The following OR3A2 variants were observed in gnomAD, a reference collection of about 807,000 sequenced individuals.
OR3A2 encodes the protein olfactory receptor 3A2.
For synonymous variants in OR3A2, 126 were observed against 159.3 expected (o/e 0.79, Z 1.57); for missense variants, 318 against 392.8 (o/e 0.81, Z 1.61).
chr17:3,338,812 T>G (rs1160457503), intron 2 of OR3A2, among the ~76,000 whole-genome samples: 2 of 152,178 alleles, frequency 1.3e-5, no homozygotes, highest in African/African-American at 4.8e-5. Context: ...GTGAAGAAAG[T>G]CATTGGTAGC....
intron 2 of OR3A2, among the ~76,000 whole-genome samples, chr17:3,344,362 C>T (rs1026713560): frequency 1.3e-5 from 2 of 152,090 alleles, no homozygotes; most frequent in African/African-American, 4.8e-5. Flanking sequence ...TAAATATTCA[C>T]CCTGCATCTG....
chr17:3,331,104 C>A (rs1371998036), intron 3 of OR3A2, among the ~76,000 whole-genome samples: 8 of 152,160 alleles, frequency 5.3e-5, no homozygotes, highest in Non-Finnish European at 1.2e-4. Context: ...ATGGGCTTCC[C>A]TTTGAGGGTA....
chr17:3,363,983 A>G (rs2200195), intron 2 of OR3A2, among the ~76,000 whole-genome samples: 20,922 of 152,190 alleles, frequency 0.14, 1,773 homozygotes, highest in African/African-American at 0.24. Flanking sequence ...CCATGATCCA[A>G]TCACCTCCCA....
chr17:3,292,403 G>C, intron 3 of OR3A2: 1 of 1,614,044 alleles, frequency 6.2e-7, no homozygotes, highest in East Asian at 2.2e-5. Context: ...AGTACATGGG[G>C]GTGTGGAGTT....
In OR3A2 at chr17:3,357,326, T is replaced by C. The variant is rs145601860; in HGVS notation, c.-178-21200A>G. 9.9e-4 allele frequency among the ~76,000 whole-genome samples: 150 copies of C among 151,776 alleles called. 3 individuals are homozygous for C. The highest frequency in any genetic ancestry group is 1.6e-3 in the Non-Finnish European group (110 of 67,996). On this transcript the variant is annotated intron_variant, in intron 2 of 4. Transcript: ENST00000573491. ...CGTCTGGGGCTCTATCACCTAATCC[T>C]TGGTGCAAGAATCAGAGACTTTCAG...
chr17:3,361,010 G>C (rs1371328044), intron 2 of OR3A2, among the ~76,000 whole-genome samples: 1 of 151,454 alleles, frequency 6.6e-6, no homozygotes, highest in Non-Finnish European at 1.5e-5. Context: ...ACCTTGGGCA[G>C]TATGGCCATT....
intron 2 of OR3A2, among the ~76,000 whole-genome samples, chr17:3,379,737 A>G (rs1338977825): frequency 6.6e-6 from 1 of 152,164 alleles, no homozygotes; most frequent in Non-Finnish European, 1.5e-5. Context: ...GGGAAAAACC[A>G]GGGAGAAGAG....
chr17:3,324,210 A>C (rs938362328), intron 3 of OR3A2, among the ~76,000 whole-genome samples: 1 of 151,952 alleles, frequency 6.6e-6, no homozygotes, highest in Non-Finnish European at 1.5e-5. Flanking sequence ...CAGCTCCATC[A>C]GGTCTTTTAA....
chr17:3,360,189 T>C (rs1373281685), intron 2 of OR3A2, among the ~76,000 whole-genome samples: 1 of 151,874 alleles, frequency 6.6e-6, no homozygotes, highest in African/African-American at 2.4e-5. Context: ...GAACATTTTT[T>C]CATGTGTCTG....
rs79611184 is a variant in OR3A2 at position 3,380,539 on chromosome 17, C to T, written c.-179+3265G>A. Among the ~76,000 whole-genome samples, 55 of 152,292 alleles carry T rather than the reference C, an allele frequency of 3.6e-4. No homozygotes were observed. The South Asian group carries it at 0.011, about 32-fold the overall frequency. On this transcript the variant is annotated intron_variant, in intron 2 of 4. Coordinates refer to the OR3A2 transcript ENST00000573491. Reference sequence around the variant, plus strand: ...CTTACTCATCTCCGAATGCCTCCCCCACCAGTGCTCAAGTACCTGCCTGGC... The same window carrying T: ...CTTACTCATCTCCGAATGCCTCCCCTACCAGTGCTCAAGTACCTGCCTGGC...
intron 2 of OR3A2, among the ~76,000 whole-genome samples, chr17:3,371,819 GGGGGCT>G (rs2049627729): frequency 2.2e-5 from 3 of 134,368 alleles, no homozygotes; most frequent in Non-Finnish European, 4.8e-5. Flanking sequence ...TGGCCGGGCG[GGGGGCT>G]GACCTCCCCA....
At chr17:3,293,630 A>T (rs769311880) in intron 3 of OR3A2, among the ~76,000 whole-genome samples, 2 of 152,222 alleles carry the variant, frequency 1.3e-5, no homozygotes, top group Non-Finnish European at 2.9e-5. Flanking sequence ...CAAATGGATG[A>T]CAAAATTCAC....
chr17:3,376,899 G>A (rs559312452), intron 2 of OR3A2, among the ~76,000 whole-genome samples: 2 of 152,172 alleles, frequency 1.3e-5, no homozygotes, highest in Non-Finnish European at 2.9e-5. Flanking sequence ...GTGCCTACAG[G>A]GCTCTTTCTA....
intron 3 of OR3A2, among the ~76,000 whole-genome samples, chr17:3,304,160 G>A (rs1286487131): frequency 6.6e-6 from 1 of 152,050 alleles, no homozygotes; most frequent in East Asian, 1.9e-4. Flanking sequence ...GTGAGCACAT[G>A]AACCATTCTT....
At chr17:3,370,190 T>C (rs180771200) in intron 2 of OR3A2, among the ~76,000 whole-genome samples, 3 of 152,318 alleles carry the variant, frequency 2.0e-5, no homozygotes, top group East Asian at 3.9e-4. Flanking sequence ...TTTAAATTAC[T>C]GTTTCAATCT....
At chr17:3,285,329 A>G (rs1047472304), upstream of OR3A2, among the ~76,000 whole-genome samples, 5 of 152,186 alleles carry the variant, frequency 3.3e-5, no homozygotes, top group African/African-American at 4.8e-5. Flanking sequence ...TCTTCTGATT[A>G]TTAGTGGTTT....
chr17:3,337,724 A>G (rs540093850), intron 2 of OR3A2, among the ~76,000 whole-genome samples: 1 of 152,170 alleles, frequency 6.6e-6, no homozygotes, highest in African/African-American at 2.4e-5. Flanking sequence ...GAATAGTGCC[A>G]CAATAAACAT....
upstream of OR3A2, chr17:3,284,499 A>T (rs1480658920): frequency 6.6e-6 from 1 of 150,634 alleles, no homozygotes; most frequent in Non-Finnish European, 1.5e-5. Context: ...TTCTCTGTAC[A>T]GGGCTGTGTT....
At chr17:3,318,543 C>A (rs1193618664) in intron 3 of OR3A2, among the ~76,000 whole-genome samples, 1 of 152,196 alleles carries the variant, frequency 6.6e-6, no homozygotes, top group Non-Finnish European at 1.5e-5. Context: ...CTTCACACCC[C>A]AGAACTTCCT....
Sources: gnomAD v4.1 joint callset for allele counts (sites outside exome capture counted in the v4.1 genomes callset) on GRCh38, gnomAD v4.1.1 for gene constraint, MANE v1.5 for transcripts, NCBI Gene and HGNC (gene_info 2026-07-23, HGNC 2026-07-21) for gene names.